The following CHD1L variants were observed in gnomAD, a reference collection of about 807,000 sequenced individuals.
CHD1L encodes the protein ATP-dependent chromatin remodeler CHD1L.
CHD1L carries 118 observed loss-of-function variants against 115.9 expected under a neutral mutation model. That is an observed-to-expected ratio of 1.02 (90% confidence interval 0.88 to 1.19). The LOEUF (loss-of-function observed/expected upper bound fraction) is 1.19, where lower values mean the gene tolerates loss of function less well. Ranked by LOEUF, CHD1L falls within the 50% of genes most tolerant of loss-of-function variation. The pLI is 0.00. For missense variants in CHD1L, 1,179 were observed against 1,065.3 expected, an observed-to-expected ratio of 1.11 and a Z score of -1.49; for synonymous variants, 411 against 387.1, an observed-to-expected ratio of 1.06 and a Z score of -0.72.
intron 1 of CHD1L, among the ~76,000 whole-genome samples, chr1:147,252,368 C>T (rs781799948): frequency 2.0e-5 from 3 of 152,284 alleles, no homozygotes; most frequent in South Asian, 2.1e-4. Context: ...TTGACTTTCT[C>T]ATTTATCAAG....
intron 6 of CHD1L, among the ~76,000 whole-genome samples, chr1:147,261,180 CTT>C (rs1671794499): frequency 1.3e-5 from 2 of 152,148 alleles, no homozygotes; most frequent in South Asian, 4.1e-4. Flanking sequence ...TTTGTAGGGA[CTT>C]TTAACAGTAT....
At chr1:147,293,463 A>T (rs1553972589) in intron 20 of CHD1L, 145 bp from the exon 21 acceptor site, 1 of 668,034 alleles carries the variant, frequency 1.5e-6, no homozygotes. Context: ...ATATAGTAGG[A>T]CATTGCTGTT....
At chr1:147,232,265 G>C in the CHD1L span, among the ~76,000 whole-genome samples, 1 of 152,176 alleles carries the variant, frequency 6.6e-6, no homozygotes, top group African/African-American at 2.4e-5. Context: ...ATCCTGACTA[G>C]TCCAAGAGTC....
chr1:147,284,637 A>G, intron 16 of CHD1L, 138 bp downstream of exon 16: 1 of 732,766 alleles, frequency 1.4e-6, no homozygotes, highest in Non-Finnish European at 2.1e-6. Context: ...AAATGTTATT[A>G]TAATTAACTA....
the CHD1L span, among the ~76,000 whole-genome samples, chr1:147,219,057 T>C: frequency 6.6e-6 from 1 of 152,138 alleles, no homozygotes; most frequent in Non-Finnish European, 1.5e-5. Flanking sequence ...CAGGACCTGG[T>C]GTGTACTGGA....
chr1:147,212,304 C>T, the CHD1L span: 3 of 1,329,922 alleles, frequency 2.3e-6, no homozygotes, highest in Non-Finnish European at 3.2e-6. Flanking sequence ...GTGCAGGTAT[C>T]CCTATTCTCT....
At chr1:147,287,799 A>G (rs1683830580) in intron 19 of CHD1L, 66 bp downstream of exon 19, 3 of 1,336,346 alleles carry the variant, frequency 2.2e-6, no homozygotes, top group Admixed American at 1.8e-5. Flanking sequence ...CTAAGACTGT[A>G]TCGTGAGGGT....
At chr1:147,221,537 G>T in the CHD1L span, among the ~76,000 whole-genome samples, 1 of 152,200 alleles carries the variant, frequency 6.6e-6, no homozygotes, top group African/African-American at 2.4e-5. Flanking sequence ...GCTGTATGGA[G>T]AGCAGGTGAG....
At chr1:147,287,943 T>C (rs1302241704) in intron 19 of CHD1L, among the ~76,000 whole-genome samples, 2 of 152,242 alleles carry the variant, frequency 1.3e-5, no homozygotes, top group Non-Finnish European at 2.9e-5. Context: ...GATTTGTGAA[T>C]AATACTTGTT....
At chr1:147,195,380 G>T in the CHD1L span, among the ~76,000 whole-genome samples, 3,695 of 151,962 alleles carry the variant, frequency 0.024, 73 homozygotes, top group South Asian at 0.095. Context: ...TGATCCACCC[G>T]TCTCTGCATC....
the CHD1L span, chr1:147,203,697 C>G: frequency 1.3e-6 from 2 of 1,500,060 alleles, no homozygotes; most frequent in South Asian, 2.3e-5. Flanking sequence ...TCTGTTGCTC[C>G]ACCTCTGGGT....
chr1:147,294,389 T>G lies in CHD1L; in HGVS notation c.2507-20T>G. On this transcript the variant is annotated intron_variant, in intron 21 of 22. Coordinates refer to ENST00000369258, the MANE Select transcript of CHD1L (RefSeq NM_004284.6). ...TCAATTTTTGATGAGTGAAGACATG[T>G]GTTCTTCTCTTCATAATAGCAAGTG... The G allele has an allele frequency of 6.4e-7, 1 of 1,561,120 alleles. No individual in the cohort carries two copies. Among genetic ancestry groups the G allele is most frequent in the Non-Finnish European group, 8.8e-7 (1 of 1,139,672 alleles).
chr1:147,212,317 T>C, the CHD1L span: 25 of 1,479,758 alleles, frequency 1.7e-5, no homozygotes, highest in East Asian at 1.4e-4. Context: ...TATTCTCTGT[T>C]GGGTCCACCT....
At chr1:147,226,551 G>A in the CHD1L span, among the ~76,000 whole-genome samples, 1 of 152,098 alleles carries the variant, frequency 6.6e-6, no homozygotes, top group Non-Finnish European at 1.5e-5. Context: ...CAATATAACA[G>A]ATACAAGATT....
the CHD1L span, among the ~76,000 whole-genome samples, chr1:147,197,784 A>G: frequency 2.7e-4 from 41 of 152,164 alleles, no homozygotes; most frequent in Non-Finnish European, 4.1e-4. Context: ...GGGCTAACAC[A>G]GTCTTCCTTG....
At chr1:147,251,515 T>C (rs1668393237) in intron 1 of CHD1L, among the ~76,000 whole-genome samples, 1 of 152,150 alleles carries the variant, frequency 6.6e-6, no homozygotes, top group African/African-American at 2.4e-5. Context: ...TGAGATACTG[T>C]AATTTATTTA....
rs1553963839 is a variant in CHD1L, at chr1:147,284,360, T to G, written c.1715T>G (p.Met572Arg). Reference sequence around the variant, plus strand: ...TGTTTTATGTTGTTAGAAAATCATATGTACTTATTTGAAGGTAAAGATTAT... The same window carrying G: ...TGTTTTATGTTGTTAGAAAATCATAGGTACTTATTTGAAGGTAAAGATTAT... ...SRDQEEGKNH[M>R]YLFEGKDYSK... Residue 572 changes from methionine to arginine, a missense_variant, in exon 16 of 23, where the codon ATG becomes AGG. Physicochemically the swap from Met to Arg is moderately conservative, Grantham distance 91 (BLOSUM62 -1). Coordinates refer to ENST00000369258, the MANE Select transcript of CHD1L (RefSeq NM_004284.6). The G allele has an allele frequency of 1.3e-6, 2 of 1,570,006 alleles. No homozygotes were observed. The highest frequency in any genetic ancestry group is 2.2e-5 in the East Asian group (1 of 44,530).
At chr1:147,198,872 A>AAGAAAG in the CHD1L span, among the ~76,000 whole-genome samples, 1 of 144,688 alleles carries the variant, frequency 6.9e-6, no homozygotes, top group African/African-American at 2.6e-5. Context: ...AAAAAAAAAA[A>AAGAAAG]AAAGAAAGAA....
In CHD1L at chr1:147,259,868, G is replaced by A; in HGVS notation, c.526G>A (p.Ala176Thr). The A allele has an allele frequency of 6.2e-7, 1 of 1,613,856 alleles. No individual in the cohort carries two copies. The highest frequency in any genetic ancestry group is 2.2e-5 in the East Asian group (1 of 44,868). Residue 176 changes from alanine (A) to threonine (T), a missense_variant, in exon 6 of 23, where the codon GCT (alanine) becomes ACT (threonine). By Grantham distance (58) the Ala-to-Thr change is moderately conservative. Coordinates refer to ENST00000369258, the MANE Select transcript of CHD1L (RefSeq NM_004284.6). The part of the protein sequence containing the change: ...FPWSVLVVDE[A>T]HRLKNQSSLL... The stretch of plus-strand genomic sequence containing the variant: ...TTGGAGTGTTCTTGTTGTGGATGAA[G>A]CTCACAGGTTGAAAAACCAAAGCTC...
Sources: allele counts gnomAD v4.1 joint callset (sites outside exome capture counted in the v4.1 genomes callset), GRCh38; gene constraint gnomAD v4.1.1; transcripts MANE v1.5; gene names NCBI Gene and HGNC (gene_info 2026-07-23, HGNC 2026-07-21).